Variants in CDH13 observed in about 807,000 individuals in gnomAD.
The protein encoded by CDH13 is cadherin-13.
A neutral mutation model predicts 63.8 loss-of-function variants in CDH13; 24 were observed. That is an observed-to-expected ratio of 0.38 (90% CI 0.27 to 0.53). The LOEUF (loss-of-function observed/expected upper bound fraction) is 0.53. CDH13 is among the 20% of genes least tolerant of loss of function. The pLI is 0.85. For missense variants in CDH13, 1,049 were observed against 903.1 expected (o/e 1.16, Z -2.07); for synonymous variants, 503 against 355.3 (o/e 1.42, Z -4.67).
intron 2 of CDH13, among the ~76,000 whole-genome samples, chr16:82,861,843 G>A (rs903390196): frequency 2.6e-5 from 4 of 152,074 alleles, no homozygotes; most frequent in Non-Finnish European, 4.4e-5. Flanking sequence ...TTCTTCTAAC[G>A]TAACCAGTGG....
At chr16:83,682,417 C>G (rs1233577504) in intron 10 of CDH13, among the ~76,000 whole-genome samples, 1 of 152,128 alleles carries the variant, frequency 6.6e-6, no homozygotes, top group Non-Finnish European at 1.5e-5. Context: ...TCTAAAATCT[C>G]CACCCAGGGC....
intron 8 of CDH13, among the ~76,000 whole-genome samples, chr16:83,645,323 C>T (rs1407810827): frequency 1.3e-5 from 2 of 152,160 alleles, no homozygotes; most frequent in Non-Finnish European, 2.9e-5. Flanking sequence ...CATGTTCTCA[C>T]TTGTAAGTGA....
intron 7 of CDH13, among the ~76,000 whole-genome samples, chr16:83,570,173 C>T (rs183226317): frequency 1.8e-4 from 28 of 152,294 alleles, no homozygotes; most frequent in African/African-American, 6.7e-4. Flanking sequence ...GGAACCTGAG[C>T]ACACAGGATT....
intron 2 of CDH13, among the ~76,000 whole-genome samples, chr16:83,008,595 C>G (rs1436828987): frequency 6.6e-6 from 1 of 152,142 alleles, no homozygotes; most frequent in East Asian, 1.9e-4. Flanking sequence ...ACGAGTGACA[C>G]AAACATAATG....
chr16:83,676,393 G>A (rs1045993946), intron 9 of CDH13, among the ~76,000 whole-genome samples: 15 of 152,142 alleles, frequency 9.9e-5, no homozygotes, highest in African/African-American at 3.4e-4. Context: ...CCTCAGCGTC[G>A]TCATGGCCCA....
chr16:82,699,130 C>A (rs1163457375), intron 1 of CDH13, among the ~76,000 whole-genome samples: 2 of 152,148 alleles, frequency 1.3e-5, no homozygotes, highest in African/African-American at 4.8e-5. Context: ...TTTAATTGAT[C>A]TTCATAGAAG....
chr16:83,143,371 G>A (rs749640961), intron 4 of CDH13, among the ~76,000 whole-genome samples: 6 of 152,132 alleles, frequency 3.9e-5, no homozygotes, highest in Non-Finnish European at 8.8e-5. Flanking sequence ...AAATGAATAT[G>A]TATTCATATA....
At chr16:82,709,286 A>C (rs2031734477) in intron 1 of CDH13, among the ~76,000 whole-genome samples, 1 of 152,184 alleles carries the variant, frequency 6.6e-6, no homozygotes, top group Non-Finnish European at 1.5e-5. Context: ...GAAAAAGAAA[A>C]AAATTCTGAA....
At chr16:82,806,925 A>G (rs1033209458) in intron 1 of CDH13, among the ~76,000 whole-genome samples, 2 of 152,160 alleles carry the variant, frequency 1.3e-5, no homozygotes, top group African/African-American at 4.8e-5. Context: ...GCAAGGAGTG[A>G]TCAGATGTGG....
At chr16:83,166,639 A>G (rs548600182) in intron 4 of CDH13, among the ~76,000 whole-genome samples, 1 of 152,218 alleles carries the variant, frequency 6.6e-6, no homozygotes, top group African/African-American at 2.4e-5. Flanking sequence ...TACCTGCCCC[A>G]TTTCCATATT....
At chr16:83,260,214 G>A (rs8055450) in intron 5 of CDH13, among the ~76,000 whole-genome samples, 6 of 149,874 alleles carry the variant, frequency 4.0e-5, no homozygotes, top group South Asian at 2.1e-4. Context: ...TTCTACTGTC[G>A]CTTGTTACTT....
intron 2 of CDH13, among the ~76,000 whole-genome samples, chr16:83,005,145 G>T (rs1913352378): frequency 6.6e-6 from 1 of 152,216 alleles, no homozygotes; most frequent in Non-Finnish European, 1.5e-5. Context: ...AACCCAGAGG[G>T]TAGGAGATGA....
chr16:83,715,622 A>G (rs1473901159), intron 10 of CDH13, among the ~76,000 whole-genome samples: 1 of 152,236 alleles, frequency 6.6e-6, no homozygotes, highest in Non-Finnish European at 1.5e-5. Context: ...GAACGAATGC[A>G]AAAACAGTGT....
intron 5 of CDH13, among the ~76,000 whole-genome samples, chr16:83,321,773 C>G (rs373922796): frequency 2.0e-5 from 3 of 152,192 alleles, no homozygotes; most frequent in Admixed American, 6.5e-5. Context: ...CGTAATCTGC[C>G]TGCCTCAGCC....
chr16:82,688,012 C>G (rs903152971), intron 1 of CDH13, among the ~76,000 whole-genome samples: 2 of 152,166 alleles, frequency 1.3e-5, no homozygotes, highest in Non-Finnish European at 2.9e-5. Context: ...GATGTAGGCC[C>G]TCAGTGATCA....
intron 7 of CDH13, among the ~76,000 whole-genome samples, chr16:83,487,435 T>A (rs6563912): frequency 6.6e-6 from 1 of 151,996 alleles, no homozygotes; most frequent in African/African-American, 2.4e-5. Flanking sequence ...ATCCAGGGTC[T>A]GCTGTCCCCT....
At chr16:83,427,074 C>A (rs1388934824) in intron 6 of CDH13, among the ~76,000 whole-genome samples, 1 of 151,526 alleles carries the variant, frequency 6.6e-6, no homozygotes, top group Non-Finnish European at 1.5e-5. Context: ...CTACAGGCGC[C>A]CGCCACCCCG....
At chr16:83,376,465 T>C (rs142503132) in intron 6 of CDH13, among the ~76,000 whole-genome samples, 3 of 152,216 alleles carry the variant, frequency 2.0e-5, no homozygotes, top group South Asian at 2.1e-4. Context: ...CAGAAATAAA[T>C]AGATAGCTAG....
chr16:83,022,204 T>C (rs1053553038), intron 2 of CDH13, among the ~76,000 whole-genome samples: 1 of 152,184 alleles, frequency 6.6e-6, no homozygotes, highest in African/African-American at 2.4e-5. Context: ...AATGCTACTT[T>C]AGTTGTCAGA....
Sources: gnomAD v4.1 joint callset for allele counts (sites outside exome capture counted in the v4.1 genomes callset) on GRCh38, gnomAD v4.1.1 for gene constraint, MANE v1.5 for transcripts, NCBI Gene and HGNC (gene_info 2026-07-23, HGNC 2026-07-21) for gene names.